KIR3DL3: variants seen among roughly 807,000 people sequenced by gnomAD.
The protein encoded by KIR3DL3 is killer cell immunoglobulin-like receptor 3DL3.
Under a neutral mutation model 34.9 loss-of-function variants are expected in KIR3DL3, and 27 were observed. That is an observed-to-expected ratio of 0.77 (90% CI 0.57 to 1.07). The LOEUF (loss-of-function observed/expected upper bound fraction) is 1.07, where lower values mean the gene tolerates loss of function less well. KIR3DL3 is among the 50% of genes least tolerant of loss of function. The pLI is 0.00. For missense variants in KIR3DL3, 681 were observed against 528.5 expected, an observed-to-expected ratio of 1.29 and a Z score of -2.83; for synonymous variants, 217 against 200.2, an observed-to-expected ratio of 1.08 and a Z score of -0.71.
intron 5 of KIR3DL3, among the ~76,000 whole-genome samples, chr19:54,733,548 AT>A (rs1477131088): frequency 1.4e-5 from 2 of 141,346 alleles, no homozygotes; most frequent in Admixed American, 7.5e-5. Flanking sequence ...AACATACATA[AT>A]TATGACACAC....
intron 5 of KIR3DL3, among the ~76,000 whole-genome samples, chr19:54,730,569 C>T (rs2068691979): frequency 6.6e-6 from 1 of 151,544 alleles, no homozygotes; most frequent in Admixed American, 6.6e-5. Context: ...GAGAGACACT[C>T]TCTCAAAATT....
In KIR3DL3 at chr19:54,735,564, A is replaced by G. The variant is rs556098680; in HGVS notation, c.1054+207A>G. Among the ~76,000 whole-genome samples the G allele has an allele frequency of 7.9e-3, 982 of 124,994 alleles. 9 individuals are homozygous for G. The highest frequency in any genetic ancestry group is 0.026 in the Middle Eastern group (6 of 234). The allele number at this position is 124,994 out of a possible 152,430, so 82.0% of individuals were successfully genotyped here. ...GCCTGATTCTGAACCGTATCCTCAC[A>G]TCCCCTGCAGCCACTCACATCCAGG... On this transcript the variant is annotated intron_variant, in intron 6 of 7. Transcript: ENST00000291860.
intron 3 of KIR3DL3, 44 bp from the exon 4 acceptor site, chr19:54,727,567 T>G: frequency 4.2e-5 from 66 of 1,572,448 alleles, no homozygotes; most frequent in Non-Finnish European, 5.2e-5. Flanking sequence ...ATGAATGGGA[T>G]GAGAAAGGGA....
chr19:54,728,173 C>A (rs62132666), intron 4 of KIR3DL3, among the ~76,000 whole-genome samples: 1 of 148,154 alleles, frequency 6.7e-6, no homozygotes, highest in African/African-American at 2.5e-5. Flanking sequence ...GAGAGACAGA[C>A]ATATCCCAGA....
rs1463939904 is a variant in KIR3DL3 at position 54,727,881 on chromosome 19, C to T, written c.626C>T (p.Pro209Leu). 9.3e-6 allele frequency: 15 copies of T among 1,612,972 alleles called. No homozygotes were observed. The highest frequency in any genetic ancestry group is 1.3e-5 in the Non-Finnish European group (15 of 1,179,242). Reference sequence around the variant, plus strand: ...CACTTACCCTATGAGTTGTCGGCTCCCAGTGACCCTCTGGACATCGTGGTC... The same window carrying T: ...CACTTACCCTATGAGTTGTCGGCTCTCAGTGACCCTCTGGACATCGTGGTC... Reference protein sequence around the residue: ...VTHLPYELSAPSDPLDIVVVG... With the variant: ...VTHLPYELSALSDPLDIVVVG... Residue 209 changes from proline to leucine, a missense_variant, in exon 4 of 8, where the codon CCC (proline) becomes CTC (leucine). Physicochemically the swap from Pro to Leu is moderately conservative, Grantham distance 98 (BLOSUM62 -3). Coordinates refer to ENST00000291860, the MANE Select transcript of KIR3DL3 (RefSeq NM_153443.5).
In KIR3DL3 at chr19:54,736,134, G is replaced by T; in HGVS notation, c.*38G>T. The T allele has an allele frequency of 6.2e-7, 1 of 1,608,270 alleles. No homozygotes were observed. The highest frequency in any genetic ancestry group is 1.1e-5 in the South Asian group (1 of 90,614). ...AAATGCTGAGCGCAGATCCAAAGTT[G>T]TCTTCTGTCCACTAGCACCACAGTC... On this transcript the variant is annotated 3_prime_UTR_variant, in exon 8 of 8. Coordinates refer to ENST00000291860, the MANE Select transcript of KIR3DL3 (RefSeq NM_153443.5).
intron 5 of KIR3DL3, among the ~76,000 whole-genome samples, chr19:54,731,367 A>G (rs1432703414): frequency 1.1e-4 from 17 of 151,112 alleles, no homozygotes; most frequent in Non-Finnish European, 2.2e-4. Flanking sequence ...ACTAATTTAC[A>G]TTCGTATCAG....
intron 5 of KIR3DL3, among the ~76,000 whole-genome samples, chr19:54,734,370 G>C (rs913715766): frequency 2.0e-5 from 3 of 150,810 alleles, no homozygotes; most frequent in Non-Finnish European, 4.4e-5. Context: ...TAACAGATAA[G>C]CAGCGAGTGA....
chr19:54,733,386 G>C (rs947731456), intron 5 of KIR3DL3, among the ~76,000 whole-genome samples: 13 of 152,086 alleles, frequency 8.5e-5, no homozygotes, highest in Non-Finnish European at 1.8e-4. Flanking sequence ...ACAAAAATTA[G>C]CCTGGTGCAT....
chr19:54,726,377 C>G (rs1247661149), intron 3 of KIR3DL3, 40 bp downstream of exon 3: 8 of 1,593,752 alleles, frequency 5.0e-6, no homozygotes, highest in Non-Finnish European at 6.0e-6. Context: ...TGTCCCACCT[C>G]CTGAATCCCA....
At chr19:54,735,949 CT>C in intron 7 of KIR3DL3, 21 bp from the exon 8 acceptor site, 1 of 1,611,360 alleles carries the variant, frequency 6.2e-7, no homozygotes, top group East Asian at 2.2e-5. Flanking sequence ...CCCTCCCTCA[CT>C]CAGCATTTCC....
chr19:54,725,742 T>A (rs1181268895), intron 2 of KIR3DL3, among the ~76,000 whole-genome samples: 2 of 152,138 alleles, frequency 1.3e-5, no homozygotes, highest in South Asian at 2.1e-4. Flanking sequence ...GGGGCTCAGT[T>A]GTTTATTATG....
At chr19:54,724,946 G>C (rs1209393368) in intron 1 of KIR3DL3, among the ~76,000 whole-genome samples, 1 of 143,268 alleles carries the variant, frequency 7.0e-6, no homozygotes, top group Non-Finnish European at 1.5e-5. Context: ...TGGAGATGTT[G>C]GCTTGGAGTG....
chr19:54,725,395 T>G, intron 2 of KIR3DL3, 113 bp downstream of exon 2: 1 of 846,458 alleles, frequency 1.2e-6, no homozygotes, highest in South Asian at 2.3e-5. Flanking sequence ...TGGGAAGCCA[T>G]GTGGGAATCT....
intron 5 of KIR3DL3, among the ~76,000 whole-genome samples, chr19:54,732,246 G>T (rs2240938): frequency 0.47 from 59,477 of 127,312 alleles, 12,736 homozygotes; most frequent in East Asian, 0.79. Context: ...GTGTGTGTGT[G>T]TTTTTTGTTT....
Position 54,734,162 on chromosome 19 carries a change from A to ATT in KIR3DL3, c.950-1085_950-1084dup, listed in dbSNP as rs67542354. 4.0e-4 allele frequency among the ~76,000 whole-genome samples: 60 copies of ATT among 151,076 alleles called. No individual in the cohort carries two copies. In the South Asian group the frequency reaches 7.4e-3, roughly 19 times the overall value. ...TTTCTTTCTTTTCTTGGAGAATGTA[A>ATT]TTTTTTTGAGTCAAGAGGGTTGTGG... On this transcript the variant is annotated intron_variant, in intron 5 of 7. Transcript: ENST00000291860.
At chr19:54,732,257 T>G (rs1415354756) in intron 5 of KIR3DL3, among the ~76,000 whole-genome samples, 7 of 82,784 alleles carry the variant, frequency 8.5e-5, no homozygotes, top group African/African-American at 2.9e-4. Flanking sequence ...TTTTTTGTTT[T>G]CTTTTTTTTT....
rs191029781 is a variant in KIR3DL3, at chr19:54,733,011, A to G, written c.950-2242A>G. ...AGGCAATTCCCGCCCCACTGGTGAA[A>G]CGTAGGGTTGATTTACACACTAAAT... On this transcript the variant is annotated intron_variant, in intron 5 of 7. Coordinates refer to ENST00000291860, the MANE Select transcript of KIR3DL3 (RefSeq NM_153443.5). Among the ~76,000 whole-genome samples, 398 of 152,302 alleles carry G rather than the reference A, an allele frequency of 2.6e-3. 4 individuals are homozygous for G. The highest frequency in any genetic ancestry group is 0.014 in the East Asian group (71 of 5,186).
At chr19:54,727,567 T>A (rs2068323148) in intron 3 of KIR3DL3, 44 bp from the exon 4 acceptor site, 9 of 1,572,600 alleles carry the variant, frequency 5.7e-6, no homozygotes, top group Non-Finnish European at 7.8e-6. Context: ...ATGAATGGGA[T>A]GAGAAAGGGA....
Sources: gnomAD v4.1 joint callset for allele counts (sites outside exome capture counted in the v4.1 genomes callset) on GRCh38, gnomAD v4.1.1 for gene constraint, MANE v1.5 for transcripts, NCBI Gene and HGNC (gene_info 2026-07-23, HGNC 2026-07-21) for gene names.